The following THSD4 variants were observed in gnomAD, a reference collection of about 807,000 sequenced individuals.
THSD4 encodes the protein thrombospondin type 1 domain containing 4.
In THSD4, 69 loss-of-function variants were observed where a neutral mutation model predicts 119.0. The observed-to-expected ratio is 0.58, with a 90% CI of 0.48 to 0.71. The LOEUF is 0.71. THSD4 is among the 30% of genes least tolerant of loss of function. The pLI, the probability that THSD4 is intolerant of heterozygous loss-of-function variation, is 0.00. For synonymous variants in THSD4, 524 were observed against 540.4 expected, an observed-to-expected ratio of 0.97 and a Z score of 0.42; for missense variants, 1,393 against 1,391.1, an observed-to-expected ratio of 1.00 and a Z score of -0.02.
At chr15:71,578,601 T>G (rs1338595631) in intron 7 of THSD4, among the ~76,000 whole-genome samples, 4 of 151,840 alleles carry the variant, frequency 2.6e-5, no homozygotes, top group Non-Finnish European at 5.9e-5. Context: ...CCTCCCAAAG[T>G]GCTAGGATTA....
chr15:71,248,399 G>GC (rs1165583741), intron 5 of THSD4, among the ~76,000 whole-genome samples: 2 of 152,162 alleles, frequency 1.3e-5, no homozygotes, highest in East Asian at 3.9e-4. Flanking sequence ...TGCTCTGAAT[G>GC]CAACACTTTC....
At chr15:71,743,422 C>T (rs2053274318) in intron 11 of THSD4, among the ~76,000 whole-genome samples, 1 of 152,214 alleles carries the variant, frequency 6.6e-6, no homozygotes, top group South Asian at 2.1e-4. Context: ...TACTTAATCC[C>T]TTAATAGCCG....
chr15:71,199,496 T>TGTGGGGTGTGTGG (rs1440084433), intron 3 of THSD4, among the ~76,000 whole-genome samples: 2 of 79,838 alleles, frequency 2.5e-5, no homozygotes, highest in Non-Finnish European at 6.3e-5. Flanking sequence ...GGGGTGTGTG[T>TGTGGGGTGTGTGG]GGTGTGTGTG....
At chr15:71,336,810 A>G (rs1237550820) in intron 6 of THSD4, among the ~76,000 whole-genome samples, 2 of 152,270 alleles carry the variant, frequency 1.3e-5, no homozygotes, top group Non-Finnish European at 2.9e-5. Context: ...GAGAGAGTCT[A>G]AGAATGACAT....
At chr15:71,399,538 C>CT (rs1224634466) in intron 6 of THSD4, among the ~76,000 whole-genome samples, 4 of 152,214 alleles carry the variant, frequency 2.6e-5, no homozygotes, top group Non-Finnish European at 5.9e-5. Context: ...AAGTATAAAA[C>CT]TAACCTTTCA....
intron 1 of THSD4, among the ~76,000 whole-genome samples, chr15:71,138,225 GT>G (rs1448548153): frequency 6.6e-6 from 1 of 152,160 alleles, no homozygotes; most frequent in Non-Finnish European, 1.5e-5. Flanking sequence ...ATGGCGGCAG[GT>G]GAGAGAGAAC....
intron 7 of THSD4, among the ~76,000 whole-genome samples, chr15:71,579,742 T>TCTAC (rs2049522559): frequency 6.6e-6 from 1 of 152,180 alleles, no homozygotes; most frequent in Non-Finnish European, 1.5e-5. Context: ...GACACCATGG[T>TCTAC]TTGGAAGGTA....
At chr15:71,700,812 C>T (rs897452684) in intron 8 of THSD4, among the ~76,000 whole-genome samples, 1 of 151,952 alleles carries the variant, frequency 6.6e-6, no homozygotes, top group Admixed American at 6.6e-5. Flanking sequence ...ACTCAATAAT[C>T]AGCATTAGGA....
intron 7 of THSD4, among the ~76,000 whole-genome samples, chr15:71,526,934 G>C (rs1035569523): frequency 2.0e-5 from 3 of 152,188 alleles, no homozygotes; most frequent in Non-Finnish European, 2.9e-5. Context: ...TGTCAAGTTA[G>C]TATGTATGAA....
intron 1 of THSD4, among the ~76,000 whole-genome samples, chr15:71,137,837 A>G (rs866561331): frequency 6.6e-6 from 1 of 152,242 alleles, no homozygotes; most frequent in Non-Finnish European, 1.5e-5. Flanking sequence ...CAATTTTTAC[A>G]TCAGTAAAAA....
intron 7 of THSD4, among the ~76,000 whole-genome samples, chr15:71,512,601 A>G (rs1326555959): frequency 2.0e-5 from 3 of 152,252 alleles, no homozygotes; most frequent in Non-Finnish European, 4.4e-5. Context: ...TATTTAACAT[A>G]GGATAAGGAC....
In THSD4 at chr15:71,421,312, G is replaced by A. The variant is rs1259941136; in HGVS notation, c.1152+9489G>A. ...GCTCATTAACATCATTTTCTTTCTAGTCTCTTTCTACTCCCTTTAGTATTT... is the reference window on the plus strand; with the variant it reads ...GCTCATTAACATCATTTTCTTTCTAATCTCTTTCTACTCCCTTTAGTATTT... On this transcript the variant is annotated intron_variant, in intron 7 of 17. Coordinates refer to ENST00000261862, the MANE Select transcript of THSD4 (RefSeq NM_024817.3). Among the ~76,000 whole-genome samples, 2 of 58,930 alleles carry A rather than the reference G, an allele frequency of 3.4e-5. 1 individual carries two copies. Among genetic ancestry groups the A allele is most frequent in the African/African-American group, 1.1e-4 (2 of 18,944 alleles). 38.7% of individuals were successfully genotyped at this position (58,930 alleles called of 152,430 possible). A position where few individuals can be genotyped will look rare whatever the true frequency, so the allele number is the denominator to read the frequency against.
intron 7 of THSD4, among the ~76,000 whole-genome samples, chr15:71,484,006 A>T (rs1372734991): frequency 6.6e-6 from 1 of 152,178 alleles, no homozygotes; most frequent in Non-Finnish European, 1.5e-5. Flanking sequence ...CAGGGTGTGA[A>T]CAAGTGAGAA....
chr15:71,219,017 A>G (rs892817449), intron 4 of THSD4, among the ~76,000 whole-genome samples: 1 of 150,070 alleles, frequency 6.7e-6, no homozygotes, highest in African/African-American at 2.4e-5. Flanking sequence ...CAAAATTACC[A>G]TTTTTTTTTT....
At position 71,713,963 on chromosome 15, in the gene THSD4, A is replaced by G. The variant is rs78997349; in HGVS notation, c.1358-14586A>G. On this transcript the variant is annotated intron_variant, in intron 8 of 17. Transcript: ENST00000261862. ...CCTACTATCTTATTTCCTTGTTCCAATGTGGAGTAGAAGGTGAGCCATAGA... is the reference window on the plus strand; with the variant it reads ...CCTACTATCTTATTTCCTTGTTCCAGTGTGGAGTAGAAGGTGAGCCATAGA... Among the ~76,000 whole-genome samples, 81 of 152,166 alleles carry G rather than the reference A, an allele frequency of 5.3e-4. No homozygotes were observed. In the East Asian group the frequency reaches 0.015, roughly 28 times the overall value.
chr15:71,637,935 C>T (rs2050780256), intron 7 of THSD4, among the ~76,000 whole-genome samples: 2 of 152,088 alleles, frequency 1.3e-5, no homozygotes, highest in Admixed American at 1.3e-4. Flanking sequence ...CCATGTTGGC[C>T]AGGCTGGTCT....
At chr15:71,452,520 CAAAAAAA>C (rs71281967) in intron 7 of THSD4, among the ~76,000 whole-genome samples, 11 of 78,984 alleles carry the variant, frequency 1.4e-4, no homozygotes, top group Non-Finnish European at 1.8e-4. Flanking sequence ...TCCCCTCCAC[CAAAAAAA>C]AAAAAAAAAA....
At chr15:71,740,755 C>T (rs766371045) in intron 11 of THSD4, among the ~76,000 whole-genome samples, 6 of 152,182 alleles carry the variant, frequency 3.9e-5, no homozygotes, top group Non-Finnish European at 7.3e-5. Context: ...ACTGTTACTA[C>T]CTCACTATAT....
intron 7 of THSD4, among the ~76,000 whole-genome samples, chr15:71,636,202 A>G (rs1167528527): frequency 6.6e-6 from 1 of 152,206 alleles, no homozygotes; most frequent in Non-Finnish European, 1.5e-5. Flanking sequence ...CGGGTGGATC[A>G]CTTGGGGTCA....
Sources: gnomAD v4.1 joint callset for allele counts (sites outside exome capture counted in the v4.1 genomes callset) on GRCh38, gnomAD v4.1.1 for gene constraint, MANE v1.5 for transcripts, NCBI Gene and HGNC (gene_info 2026-07-23, HGNC 2026-07-21) for gene names.